DIS3L: variants seen among roughly 807,000 people sequenced by gnomAD.
DIS3L encodes the protein DIS3-like exonuclease 1.
Under a neutral mutation model 120.3 loss-of-function variants are expected in DIS3L, and 100 were observed. The ratio of observed to expected loss-of-function variants is 0.83; its 90% CI spans 0.71 to 0.98. DIS3L has a LOEUF of 0.98. DIS3L is among the 50% of genes least tolerant of loss of function. The pLI is 0.00. For missense variants in DIS3L, 1,196 were observed against 1,314.2 expected (o/e 0.91, Z 1.39); for synonymous variants, 426 against 470.6 (o/e 0.91, Z 1.23).
rs1157586500 is a variant in DIS3L at position 66,320,692 on chromosome 15, T to G, written c.1286T>G (p.Val429Gly). ...DLEGEIATILVENSISVIPFS... is the reference protein window; with the variant it reads ...DLEGEIATILGENSISVIPFS... ...GAAGGGGAAATTGCAACCATCCTGG[T>G]GGAAAACAGTATTTCAGTTATTCCT... is the stretch of plus-strand genomic sequence containing the variant. Residue 429 changes from valine to glycine, a missense_variant, in exon 9 of 17, where the codon GTG becomes GGG. Physicochemically the swap from Val to Gly is moderately radical, Grantham distance 109. Transcript: ENST00000319212. 4.3e-6 allele frequency: 7 copies of G among 1,614,046 alleles called. No homozygotes were observed. Among genetic ancestry groups the G allele is most frequent in the Non-Finnish European group, 5.9e-6 (7 of 1,180,026 alleles).
At chr15:66,310,789 G>T (rs1356444931) in intron 4 of DIS3L, among the ~76,000 whole-genome samples, 2 of 152,168 alleles carry the variant, frequency 1.3e-5, no homozygotes, top group African/African-American at 4.8e-5. Context: ...AAGAGAGAAT[G>T]TGCTAGACTC....
In DIS3L at chr15:66,308,830, G is replaced by A. The variant is rs757505760; in HGVS notation, c.544G>A (p.Val182Met). Residue 182 changes from valine to methionine, a missense_variant, in exon 4 of 17, where the codon GTG (valine) becomes ATG (methionine). Transcript: ENST00000319212. ...TGGAAGTGAAACAGAAGGAGTATTC[G>A]TGATTACTTTCAAGGTATTTCCAGA... ...QYGSETEGVF[V>M]ITFKNYLDNF... is the part of the protein sequence containing the mutation. 1.9e-6 allele frequency: 3 copies of A among 1,612,822 alleles called. No individual in the cohort carries two copies. Among genetic ancestry groups the A allele is most frequent in the South Asian group, 1.1e-5 (1 of 90,944 alleles).
intron 2 of DIS3L, among the ~76,000 whole-genome samples, chr15:66,297,617 G>A (rs72748330): frequency 0.061 from 9,258 of 152,202 alleles, 360 homozygotes; most frequent in Middle Eastern, 0.11. Flanking sequence ...GCTCTCTAGT[G>A]TTTTGTTCAT....
At chr15:66,315,912 C>T (rs1196274012) in intron 7 of DIS3L, among the ~76,000 whole-genome samples, 1 of 152,110 alleles carries the variant, frequency 6.6e-6, no homozygotes, top group Non-Finnish European at 1.5e-5. Flanking sequence ...TGGCAGGGGC[C>T]CTCTGCCTTC....
Position 66,293,600 on chromosome 15 carries a change from C to T in DIS3L, c.4C>T (p.Leu2=). M[L]QKREKVLLLR... ...GGCCGCCGGGAGACACGCCGCCATGCTGCAGAAGCGGGAGAAGGTGCTGCT... is the reference window on the plus strand; with the variant it reads ...GGCCGCCGGGAGACACGCCGCCATGTTGCAGAAGCGGGAGAAGGTGCTGCT... Residue 2 remains leucine, a synonymous_variant, in exon 1 of 17, where the codon CTG becomes TTG. Transcript: ENST00000319212. 1.4e-6 allele frequency: 2 copies of T among 1,440,336 alleles called. No individual in the cohort carries two copies. The highest frequency in any genetic ancestry group is 1.8e-6 in the Non-Finnish European group (2 of 1,098,224). 89.2% of individuals were successfully genotyped at this position (1,440,336 alleles called of 1,614,324 possible).
chr15:66,299,574 C>T (rs1340460783), intron 2 of DIS3L, among the ~76,000 whole-genome samples: 1 of 148,498 alleles, frequency 6.7e-6, no homozygotes, highest in African/African-American at 2.5e-5. Context: ...GATTACTGGG[C>T]CAGGTAGAGA....
intron 14 of DIS3L, among the ~76,000 whole-genome samples, chr15:66,331,038 C>G (rs1258327325): frequency 1.3e-5 from 2 of 152,078 alleles, no homozygotes; most frequent in Non-Finnish European, 2.9e-5. Context: ...GCCTGTAATC[C>G]CAGCTAATCG....
At chr15:66,332,569 A>G (rs2093012595) in intron 15 of DIS3L, among the ~76,000 whole-genome samples, 167 bp from the exon 16 acceptor site, 1 of 150,342 alleles carries the variant, frequency 6.7e-6, no homozygotes, top group African/African-American at 2.4e-5. Context: ...TTATCCAGCA[A>G]AATACTTTGT....
At position 66,293,767 on chromosome 15, in the gene DIS3L, C is replaced by A. The variant is rs1300680856; in HGVS notation, c.139+32C>A. ...GCCGGGGCGGGGGCGGGGACGGGGC[C>A]GGCGGGAGCGGGCGGCCGCAGTGAG... On this transcript the variant is annotated intron_variant, in intron 1 of 16. Coordinates refer to ENST00000319212, the MANE Select transcript of DIS3L (RefSeq NM_001143688.3). 4 of 1,161,254 alleles carry A rather than the reference C, an allele frequency of 3.4e-6. 1 individual carries two copies. Among genetic ancestry groups the A allele is most frequent in the Middle Eastern group, 7.1e-4 (2 of 2,822 alleles). The allele number at this position is 1,161,254 out of a possible 1,614,324, so 71.9% of individuals were successfully genotyped here. A position where few individuals can be genotyped will look rare whatever the true frequency, so the allele number is the denominator to read the frequency against.
chr15:66,317,624 A>G (rs2092832981), intron 7 of DIS3L, among the ~76,000 whole-genome samples: 1 of 152,170 alleles, frequency 6.6e-6, no homozygotes, highest in Non-Finnish European at 1.5e-5. Flanking sequence ...AAAATGGGAC[A>G]AGTGGATTCT....
chr15:66,315,639 A>C (rs1158470657), intron 7 of DIS3L, among the ~76,000 whole-genome samples: 1 of 152,142 alleles, frequency 6.6e-6, no homozygotes, highest in African/African-American at 2.4e-5. Flanking sequence ...TCAGCACCCA[A>C]ATATGCTGTA....
At chr15:66,328,315 TAGCC>T (rs1026197399) in intron 12 of DIS3L, among the ~76,000 whole-genome samples, 4 of 152,180 alleles carry the variant, frequency 2.6e-5, no homozygotes, top group African/African-American at 7.2e-5. Flanking sequence ...CCTTTTCCCT[TAGCC>T]AGCCACAATA....
chr15:66,317,728 G>C (rs545303469), intron 7 of DIS3L, among the ~76,000 whole-genome samples: 1 of 151,856 alleles, frequency 6.6e-6, no homozygotes, highest in Non-Finnish European at 1.5e-5. Flanking sequence ...TATAGACCCA[G>C]CTACCCAGGA....
chr15:66,295,176 T>C (rs1194742327), intron 2 of DIS3L, 35 bp downstream of exon 2: 5 of 1,591,406 alleles, frequency 3.1e-6, no homozygotes, highest in Non-Finnish European at 4.3e-6. Flanking sequence ...CTATATGGCA[T>C]AGGTTCCCCC....
intron 8 of DIS3L, among the ~76,000 whole-genome samples, chr15:66,319,435 A>G (rs1002595555): frequency 1.6e-4 from 25 of 152,220 alleles, no homozygotes; most frequent in Admixed American, 6.5e-4. Context: ...GCTTTCCTCC[A>G]GCAAGCAATA....
At chr15:66,323,047 T>G in intron 10 of DIS3L, 113 bp downstream of exon 10, 1 of 1,381,864 alleles carries the variant, frequency 7.2e-7, no homozygotes, top group South Asian at 1.5e-5. Flanking sequence ...TGAAGGTCCC[T>G]TCCAGAAAAA....
intron 8 of DIS3L, among the ~76,000 whole-genome samples, chr15:66,319,148 C>T (rs1014715142): frequency 5.9e-5 from 9 of 152,008 alleles, no homozygotes; most frequent in East Asian, 1.9e-4. Flanking sequence ...TTGTTGCACA[C>T]GCTGGTCTTG....
chr15:66,327,245 A>G (rs972325420), intron 12 of DIS3L, among the ~76,000 whole-genome samples: 4 of 152,126 alleles, frequency 2.6e-5, no homozygotes, highest in Admixed American at 6.6e-5. Flanking sequence ...CATAATTTGT[A>G]ATACAGAAGT....
rs746880711 is a variant in DIS3L, at chr15:66,329,384, C to A, written c.2520C>A (p.Ile840=). Residue 840 remains isoleucine (I), a synonymous_variant, in exon 14 of 17, where the codon ATC becomes ATA. Transcript: ENST00000319212. ...ATCTTGAGGAATTATGCAGACATATCAACAACAGAAACCAAGTAAGAGGGA... is the reference window on the plus strand; with the variant it reads ...ATCTTGAGGAATTATGCAGACATATAAACAACAGAAACCAAGTAAGAGGGA... The part of the protein sequence containing the change: ...NKDLEELCRH[I]NNRNQAAQHS... The A allele has an allele frequency of 1.9e-6, 3 of 1,602,274 alleles. No homozygotes were observed. The highest frequency in any genetic ancestry group is 8.5e-7 in the Non-Finnish European group (1 of 1,176,480).
Sources: gnomAD v4.1 joint callset for allele counts (sites outside exome capture counted in the v4.1 genomes callset) on GRCh38, gnomAD v4.1.1 for gene constraint, MANE v1.5 for transcripts, NCBI Gene and HGNC (gene_info 2026-07-23, HGNC 2026-07-21) for gene names.